RASSF8: variants seen among roughly 807,000 people sequenced by gnomAD.
RASSF8 encodes ras association domain-containing protein 8.
In RASSF8, 22 loss-of-function variants were observed where a neutral mutation model predicts 48.5. That is an observed-to-expected ratio of 0.45 (90% CI 0.32 to 0.65). RASSF8 has a LOEUF of 0.65. Ranked by LOEUF, RASSF8 falls within the 30% of genes least tolerant of loss-of-function variation. The probability of loss-of-function intolerance (pLI) is 0.03; values close to 1 mark genes in which losing one functional copy is unlikely to be tolerated. For synonymous variants in RASSF8, 127 were observed against 171.5 expected (o/e 0.74, Z 2.03); for missense variants, 418 against 489.2 (o/e 0.85, Z 1.37).
chr12:26,060,744 A>G (rs1472294046), intron 3 of RASSF8, among the ~76,000 whole-genome samples: 1 of 152,220 alleles, frequency 6.6e-6, no homozygotes, highest in Admixed American at 6.5e-5. Flanking sequence ...TAAAATATTT[A>G]TAGCTCAAGA....
rs150487408 is a variant in RASSF8, at chr12:26,012,859, A to G, written c.-109+17729A>G. Among the ~76,000 whole-genome samples the G allele has an allele frequency of 5.8e-3, 878 of 151,788 alleles. 5 individuals carry two copies. The highest frequency in any genetic ancestry group is 9.2e-3 in the Non-Finnish European group (622 of 67,904). On this transcript the variant is annotated intron_variant, in intron 2 of 5. Transcript: ENST00000689635. Reference sequence around the variant, plus strand: ...CCACGTAATTTTTAAATTTTTTTGTAAAGACGGAGTCTCACTTTGTTGCCC... The same window carrying G: ...CCACGTAATTTTTAAATTTTTTTGTGAAGACGGAGTCTCACTTTGTTGCCC...
chr12:26,075,520 C>T (rs1944064233), downstream of RASSF8, among the ~76,000 whole-genome samples: 1 of 152,104 alleles, frequency 6.6e-6, no homozygotes, highest in South Asian at 2.1e-4. Flanking sequence ...CCTGTTTTCC[C>T]AGCGTTATAC....
intron 1 of RASSF8, among the ~76,000 whole-genome samples, chr12:25,980,827 A>T (rs1941724530): frequency 6.6e-6 from 1 of 152,202 alleles, no homozygotes; most frequent in Non-Finnish European, 1.5e-5. Flanking sequence ...CAATTCAGTA[A>T]TTGTTTTAGA....
At chr12:26,078,989 C>A in intron 5 of RASSF8, 1 of 1,520,116 alleles carries the variant, frequency 6.6e-7, no homozygotes, top group East Asian at 2.5e-5. Flanking sequence ...ATTCACCAAC[C>A]TTAACTCTTT....
intron 1 of RASSF8, among the ~76,000 whole-genome samples, chr12:25,991,851 C>G (rs1483266116): frequency 6.6e-6 from 1 of 152,120 alleles, no homozygotes; most frequent in Non-Finnish European, 1.5e-5. Flanking sequence ...AGGCCAGCTA[C>G]CAAAATAAAA....
rs1355267876 is a variant in RASSF8, at chr12:26,071,804, A to G, written c.*2986A>G. ...GCAAGACTGATAGAGTAAAAACTATATAAATACAGTAAAAAAAAAATAGAA... is the reference window on the plus strand; with the variant it reads ...GCAAGACTGATAGAGTAAAAACTATGTAAATACAGTAAAAAAAAAATAGAA... On this transcript the variant is annotated 3_prime_UTR_variant, in exon 6 of 6. Coordinates refer to ENST00000689635, the MANE Select transcript of RASSF8 (RefSeq NM_001394098.1). The G allele has an allele frequency of 1.1e-5, 10 of 930,652 alleles. No homozygotes were observed. Among genetic ancestry groups the G allele is most frequent in the Non-Finnish European group, 1.2e-5 (10 of 803,768 alleles). 57.6% of individuals were successfully genotyped at this position (930,652 alleles called of 1,614,324 possible).
chr12:26,024,172 T>A (rs1013220710), intron 2 of RASSF8, among the ~76,000 whole-genome samples: 5 of 152,198 alleles, frequency 3.3e-5, no homozygotes, highest in Non-Finnish European at 7.3e-5. Flanking sequence ...TTTCTTTTTT[T>A]AAATTTTGAA....
At chr12:25,977,316 G>A (rs1228495313) in intron 1 of RASSF8, among the ~76,000 whole-genome samples, 1 of 152,154 alleles carries the variant, frequency 6.6e-6, no homozygotes, top group Non-Finnish European at 1.5e-5. Flanking sequence ...TGTGACTTAA[G>A]TATTTTGAAA....
chr12:26,071,821 A>T lies in RASSF8; in HGVS notation c.*3003A>T. ...AAAACTATATAAATACAGTAAAAAAAAAATAGAATTTATGGTGTGAAATAT... is the reference window on the plus strand; with the variant it reads ...AAAACTATATAAATACAGTAAAAAATAAATAGAATTTATGGTGTGAAATAT... On this transcript the variant is annotated 3_prime_UTR_variant, in exon 6 of 6. Transcript: ENST00000689635. 1 of 982,432 alleles carries T rather than the reference A, an allele frequency of 1.0e-6. No homozygotes were observed. 60.9% of individuals were successfully genotyped at this position (982,432 alleles called of 1,614,324 possible). A position where few individuals can be genotyped will look rare whatever the true frequency, so the allele number is the denominator to read the frequency against.
chr12:26,054,530 A>G (rs1943560040), intron 2 of RASSF8, among the ~76,000 whole-genome samples: 1 of 152,178 alleles, frequency 6.6e-6, no homozygotes, highest in South Asian at 2.1e-4. Context: ...CGTCAAAGGA[A>G]TTCGTTTCCT....
chr12:26,008,203 G>A (rs1942436638), intron 2 of RASSF8, among the ~76,000 whole-genome samples: 1 of 152,094 alleles, frequency 6.6e-6, no homozygotes, highest in East Asian at 1.9e-4. Context: ...AACCCGGGAG[G>A]CGGAGCTTGC....
chr12:25,968,455 G>A (rs571118550), intron 1 of RASSF8, among the ~76,000 whole-genome samples: 228 of 152,292 alleles, frequency 1.5e-3, no homozygotes, highest in African/African-American at 4.5e-3. Flanking sequence ...CAATTCTCCT[G>A]CCTCAGCCTC....
chr12:25,959,246 CCT>C (rs1434102328), intron 1 of RASSF8, 98 bp downstream of exon 1: 2 of 152,420 alleles, frequency 1.3e-5, no homozygotes, highest in African/African-American at 4.8e-5. Flanking sequence ...CCCGGTTGCC[CCT>C]CTCTCCGCAC....
At chr12:26,002,589 C>T (rs1308856821) in intron 2 of RASSF8, among the ~76,000 whole-genome samples, 2 of 152,208 alleles carry the variant, frequency 1.3e-5, no homozygotes, top group African/African-American at 2.4e-5. Flanking sequence ...GCCTGACCAA[C>T]ATGGTGAAAC....
intron 2 of RASSF8, among the ~76,000 whole-genome samples, chr12:26,012,601 T>A (rs1333889742): frequency 6.6e-6 from 1 of 152,144 alleles, no homozygotes; most frequent in Non-Finnish European, 1.5e-5. Context: ...TGAGTTGAAT[T>A]TTTAAAATAT....
chr12:26,074,613 G>T (rs1944055397), downstream of RASSF8, among the ~76,000 whole-genome samples: 1 of 151,954 alleles, frequency 6.6e-6, no homozygotes, highest in African/African-American at 2.4e-5. Flanking sequence ...AAAATGCTGG[G>T]ATTACAGCAG....
At chr12:26,018,742 A>G (rs1222300238) in intron 2 of RASSF8, among the ~76,000 whole-genome samples, 4 of 152,224 alleles carry the variant, frequency 2.6e-5, no homozygotes, top group Non-Finnish European at 5.9e-5. Flanking sequence ...AGTCATTACA[A>G]TGAGGAAGTA....
intron 2 of RASSF8, among the ~76,000 whole-genome samples, chr12:26,046,015 T>C (rs1375098144): frequency 2.0e-5 from 3 of 152,110 alleles, no homozygotes; most frequent in Admixed American, 6.6e-5. Context: ...AGGACATAGA[T>C]TTGGGCGATC....
chr12:26,065,200 A>G lies in RASSF8; in HGVS notation c.806A>G (p.Glu269Gly). ...KDYLAQIRTM[E>G]SGLEAEKLQR... ...TATTTGGCACAGATCCGGACTATGG[A>G]AAGTGGTCTTGAAGCAGAAAAATTG... is the stretch of plus-strand genomic sequence containing the variant. The change falls in exon 4 of 6, where the codon GAA becomes GGA. Residue 269 changes from glutamate to glycine, a missense_variant. Physicochemically the swap from Glu to Gly is moderately conservative, Grantham distance 98. Coordinates refer to ENST00000689635, the MANE Select transcript of RASSF8 (RefSeq NM_001394098.1). 2.5e-6 allele frequency: 4 copies of G among 1,614,208 alleles called. No homozygotes were observed. Among genetic ancestry groups the G allele is most frequent in the Middle Eastern group, 1.6e-4 (1 of 6,062 alleles).
Sources: allele counts gnomAD v4.1 joint callset (sites outside exome capture counted in the v4.1 genomes callset), GRCh38; gene constraint gnomAD v4.1.1; transcripts MANE v1.5; gene names NCBI Gene and HGNC (gene_info 2026-07-23, HGNC 2026-07-21).